The following ZNF536 variants were observed in gnomAD, a reference collection of about 807,000 sequenced individuals.
ZNF536 encodes the protein zinc finger protein 536.
In ZNF536, 13 loss-of-function variants were observed where a neutral mutation model predicts 84.5. The ratio of observed to expected loss-of-function variants is 0.15; its 90% CI spans 0.10 to 0.24. ZNF536 has a LOEUF of 0.24. Among genes scored for constraint, ZNF536 ranks in the 10% least tolerant of loss-of-function variants. The probability of loss-of-function intolerance (pLI) is 1.00; values close to 1 mark genes in which losing one functional copy is unlikely to be tolerated. For missense variants in ZNF536, 1,536 were observed against 1,747.5 expected, an observed-to-expected ratio of 0.88 and a Z score of 2.16; for synonymous variants, 811 against 742.5, an observed-to-expected ratio of 1.09 and a Z score of -1.50.
At position 30,437,442 on chromosome 19, in the gene ZNF536, T is replaced by C. The variant is rs534968455; in HGVS notation, c.-2-6119T>C. Among the ~76,000 whole-genome samples the C allele has an allele frequency of 3.9e-5, 6 of 152,154 alleles. No individual in the cohort carries two copies. The South Asian group carries it at 1.2e-3, about 32-fold the overall frequency. On this transcript the variant is annotated intron_variant, in intron 1 of 4. Transcript: ENST00000355537. ...GATGGCAGTGATGAGACAGAATGTA[T>C]TTTGATAATCTGTGCACCCAATGGT...
chr19:30,452,410 G>T (rs1211547951), intron 2 of ZNF536, among the ~76,000 whole-genome samples: 1 of 152,232 alleles, frequency 6.6e-6, no homozygotes, highest in Non-Finnish European at 1.5e-5. Context: ...ACATCTCAGT[G>T]CATTTCCCAC....
intron 1 of ZNF536, among the ~76,000 whole-genome samples, chr19:30,412,449 T>C (rs1220005902): frequency 6.6e-6 from 1 of 152,058 alleles, no homozygotes; most frequent in African/African-American, 2.4e-5. Context: ...AAGATATTAA[T>C]ATAGTGAATT....
intron 2 of ZNF536, among the ~76,000 whole-genome samples, chr19:30,454,948 G>A (rs759971597): frequency 2.6e-5 from 4 of 152,182 alleles, no homozygotes; most frequent in African/African-American, 7.2e-5. Context: ...CAGGAGAATC[G>A]CTTGAATCCG....
At chr19:30,700,816 C>G (rs2051911142) in intron 1 of ZNF536, among the ~76,000 whole-genome samples, 1 of 152,154 alleles carries the variant, frequency 6.6e-6, no homozygotes, top group African/African-American at 2.4e-5. Context: ...TGATGAAGAC[C>G]TATAGTTTCT....
chr19:30,405,656 A>T (rs1165219679), intron 1 of ZNF536, among the ~76,000 whole-genome samples: 1 of 151,936 alleles, frequency 6.6e-6, no homozygotes, highest in Non-Finnish European at 1.5e-5. Context: ...TAGAAGGTGG[A>T]TTTTCAGAAC....
intron 1 of ZNF536, among the ~76,000 whole-genome samples, chr19:30,696,319 C>T (rs1181272068): frequency 2.0e-5 from 3 of 152,196 alleles, no homozygotes; most frequent in Admixed American, 1.3e-4. Flanking sequence ...ACTTCCAGGC[C>T]AGCGCCTTCT....
chr19:30,590,336 G>T (rs761789689), intron 1 of ZNF536, among the ~76,000 whole-genome samples: 1 of 152,174 alleles, frequency 6.6e-6, no homozygotes, highest in Non-Finnish European at 1.5e-5. Flanking sequence ...CTGCCTTATG[G>T]TCAAGCTTGT....
intron 2 of ZNF536, among the ~76,000 whole-genome samples, chr19:30,293,972 G>A (rs2045921502): frequency 6.6e-6 from 1 of 152,116 alleles, no homozygotes; most frequent in Admixed American, 6.5e-5. Context: ...GTTTAAAGAT[G>A]AAGTTTGGGT....
At chr19:30,230,244 C>T (rs1195441351) in intron 1 of ZNF536, among the ~76,000 whole-genome samples, 1 of 152,160 alleles carries the variant, frequency 6.6e-6, no homozygotes, top group Non-Finnish European at 1.5e-5. Context: ...AACTTAACAT[C>T]TGGGCATATG....
At chr19:30,659,253 G>A (rs1397298261) in intron 1 of ZNF536, among the ~76,000 whole-genome samples, 1 of 152,166 alleles carries the variant, frequency 6.6e-6, no homozygotes, top group East Asian at 1.9e-4. Flanking sequence ...ATGGTGGAAG[G>A]TGAAGGGGAA....
At chr19:30,430,921 C>G (rs1165291733) in intron 1 of ZNF536, among the ~76,000 whole-genome samples, 1 of 152,218 alleles carries the variant, frequency 6.6e-6, no homozygotes, top group Admixed American at 6.5e-5. Flanking sequence ...AGTGATCCAC[C>G]TGCCTTGGCC....
At chr19:30,263,902 AC>A (rs2025360022) in intron 1 of ZNF536, among the ~76,000 whole-genome samples, 1 of 144,028 alleles carries the variant, frequency 6.9e-6, no homozygotes, top group African/African-American at 2.6e-5. Context: ...ACACACACAC[AC>A]CCTACACACA....
intron 2 of ZNF536, among the ~76,000 whole-genome samples, chr19:30,519,757 A>G (rs538259689): frequency 1.3e-5 from 2 of 152,356 alleles, no homozygotes; most frequent in Non-Finnish European, 2.9e-5. Flanking sequence ...TCATTCATTC[A>G]TTCATTCATT....
upstream of ZNF536, among the ~76,000 whole-genome samples, chr19:30,369,670 C>G (rs2048548629): frequency 6.6e-6 from 1 of 152,194 alleles, no homozygotes; most frequent in Non-Finnish European, 1.5e-5. Context: ...TAAGCAGGTT[C>G]TCCTCTGAAA....
intron 1 of ZNF536, among the ~76,000 whole-genome samples, chr19:30,240,505 C>T (rs1279038667): frequency 6.6e-6 from 1 of 152,208 alleles, no homozygotes; most frequent in Non-Finnish European, 1.5e-5. Flanking sequence ...TGTCCCAGGG[C>T]AGCTCCCAGC....
chr19:30,273,351 C>G (rs549452026), intron 1 of ZNF536, among the ~76,000 whole-genome samples: 12 of 152,288 alleles, frequency 7.9e-5, no homozygotes, highest in East Asian at 7.7e-4. Context: ...TGGCTTTCCC[C>G]TAGCAGTGAA....
intron 1 of ZNF536, among the ~76,000 whole-genome samples, chr19:30,278,480 C>T (rs1305330141): frequency 6.6e-6 from 1 of 152,136 alleles, no homozygotes; most frequent in Non-Finnish European, 1.5e-5. Context: ...AAAGGAGCTC[C>T]CGGGGAGTCA....
chr19:30,352,700 A>G (rs1250148411), intron 3 of ZNF536, among the ~76,000 whole-genome samples: 1 of 151,812 alleles, frequency 6.6e-6, no homozygotes, highest in African/African-American at 2.4e-5. Context: ...GCCTTTCCCC[A>G]TGGGGGAGGT....
At chr19:30,542,663 A>G (rs1277227958) in intron 3 of ZNF536, among the ~76,000 whole-genome samples, 1 of 152,198 alleles carries the variant, frequency 6.6e-6, no homozygotes, top group Non-Finnish European at 1.5e-5. Context: ...GTGGGCAAAG[A>G]GCCCCATTCT....
Sources: gnomAD v4.1 joint callset for allele counts (sites outside exome capture counted in the v4.1 genomes callset) on GRCh38, gnomAD v4.1.1 for gene constraint, MANE v1.5 for transcripts, NCBI Gene and HGNC (gene_info 2026-07-23, HGNC 2026-07-21) for gene names.